SPAG17: variants seen among roughly 807,000 people sequenced by gnomAD.
The protein encoded by SPAG17 is sperm associated antigen 17.
Under a neutral mutation model 273.6 loss-of-function variants are expected in SPAG17, and 169 were observed. The observed-to-expected ratio is 0.62, with a 90% confidence interval of 0.55 to 0.70. The LOEUF is 0.70. Ranked by LOEUF, SPAG17 falls within the 30% of genes least tolerant of loss-of-function variation. The pLI, the probability that SPAG17 is intolerant of heterozygous loss-of-function variation, is 0.00. For missense variants in SPAG17, 2,557 were observed against 2,627.8 expected (o/e 0.97, Z 0.59); for synonymous variants, 825 against 873.2 (o/e 0.94, Z 0.97).
chr1:117,999,440 C>A (rs1339687928), intron 32 of SPAG17, among the ~76,000 whole-genome samples: 1 of 152,154 alleles, frequency 6.6e-6, no homozygotes, highest in Non-Finnish European at 1.5e-5. Flanking sequence ...GTTTACACTC[C>A]CACCAACTGT....
chr1:118,100,376 C>G (rs1655986790), intron 5 of SPAG17, among the ~76,000 whole-genome samples: 1 of 152,116 alleles, frequency 6.6e-6, no homozygotes, highest in Non-Finnish European at 1.5e-5. Context: ...TAACATTTTT[C>G]TCCTTTATTT....
At chr1:118,108,383 T>C (rs1656540155) in intron 4 of SPAG17, among the ~76,000 whole-genome samples, 1 of 152,168 alleles carries the variant, frequency 6.6e-6, no homozygotes, top group African/African-American at 2.4e-5. Context: ...CCCTTCTCAC[T>C]TATGGGTTTA....
chr1:118,092,973 T>A (rs1454702419), intron 8 of SPAG17, among the ~76,000 whole-genome samples, 183 bp downstream of exon 8: 1 of 152,224 alleles, frequency 6.6e-6, no homozygotes. Context: ...CTTGCCTTTG[T>A]AAATGTCTGG....
At chr1:118,053,222 A>C (rs1345513031) in intron 20 of SPAG17, among the ~76,000 whole-genome samples, 1 of 152,066 alleles carries the variant, frequency 6.6e-6, no homozygotes, top group Non-Finnish European at 1.5e-5. Flanking sequence ...TTAACAATAA[A>C]GTTGATGGTA....
chr1:118,183,197 AC>A (rs1459420159), intron 1 of SPAG17, among the ~76,000 whole-genome samples: 1 of 152,148 alleles, frequency 6.6e-6, no homozygotes, highest in Non-Finnish European at 1.5e-5. Flanking sequence ...ATAAACTAGC[AC>A]ACACACTCAA....
intron 43 of SPAG17, among the ~76,000 whole-genome samples, chr1:117,976,070 T>C (rs1463397353): frequency 2.6e-5 from 4 of 152,278 alleles, no homozygotes; most frequent in African/African-American, 9.6e-5. Context: ...GTGCCCAGTG[T>C]CACATAGCTA....
At chr1:118,143,555 C>T (rs532780094) in intron 3 of SPAG17, among the ~76,000 whole-genome samples, 1 of 147,156 alleles carries the variant, frequency 6.8e-6, no homozygotes, top group Non-Finnish European at 1.5e-5. Context: ...AAAAGCCAGC[C>T]AAAAAAAAAG....
At chr1:118,175,407 G>A (rs1660645661) in intron 1 of SPAG17, among the ~76,000 whole-genome samples, 1 of 151,858 alleles carries the variant, frequency 6.6e-6, no homozygotes, top group South Asian at 2.1e-4. Context: ...ACTACCCCAA[G>A]GCATAGAATA....
At chr1:118,101,644 A>C (rs1656069006) in intron 5 of SPAG17, 96 bp downstream of exon 5, 8 of 1,217,106 alleles carry the variant, frequency 6.6e-6, no homozygotes, top group Non-Finnish European at 9.3e-6. Context: ...TCAGGAAACT[A>C]TGCGCTCTAT....
chr1:118,178,476 C>A (rs1285401890), intron 1 of SPAG17, among the ~76,000 whole-genome samples: 1 of 151,962 alleles, frequency 6.6e-6, no homozygotes, highest in Non-Finnish European at 1.5e-5. Context: ...CAGCTAAAAT[C>A]ATACTGACCA....
At chr1:118,183,180 A>T (rs1558067754) in intron 1 of SPAG17, among the ~76,000 whole-genome samples, 1 of 152,134 alleles carries the variant, frequency 6.6e-6, no homozygotes, top group African/African-American at 2.4e-5. Context: ...CACACATAAT[A>T]CAACACATAA....
intron 3 of SPAG17, among the ~76,000 whole-genome samples, chr1:118,145,440 A>G (rs1421218949): frequency 6.6e-6 from 1 of 152,184 alleles, no homozygotes; most frequent in Non-Finnish European, 1.5e-5. Context: ...AAAAAATGGA[A>G]CTATTACATC....
At chr1:118,022,101 TGAGAAAA>T (rs1219073556) in intron 28 of SPAG17, among the ~76,000 whole-genome samples, 1 of 152,056 alleles carries the variant, frequency 6.6e-6, no homozygotes, top group Non-Finnish European at 1.5e-5. Flanking sequence ...TATGAGAAAT[TGAGAAAA>T]GTTTGTAAGG....
intron 7 of SPAG17, among the ~76,000 whole-genome samples, chr1:118,095,161 C>T (rs1035722238): frequency 6.6e-6 from 1 of 152,184 alleles, no homozygotes; most frequent in Non-Finnish European, 1.5e-5. Context: ...AATATAGCCA[C>T]TACCACTTTC....
Position 117,987,899 on chromosome 1 carries a change from A to G in SPAG17, c.5622-18T>C. 1.2e-6 allele frequency: 2 copies of G among 1,613,692 alleles called. No individual in the cohort carries two copies. Among genetic ancestry groups the G allele is most frequent in the South Asian group, 2.2e-5 (2 of 91,002 alleles). On this transcript the variant is annotated intron_variant, in intron 39 of 48. Transcript: ENST00000336338. ...CTGTGTGTCTATGTGAAAGGAAAGGAAAGTATGGTGAAAAGGGGCAATGAT... is the reference window on the plus strand; with the variant it reads ...CTGTGTGTCTATGTGAAAGGAAAGGGAAGTATGGTGAAAAGGGGCAATGAT...
At chr1:118,069,920 G>A (rs552007470) in intron 17 of SPAG17, among the ~76,000 whole-genome samples, 63 of 152,246 alleles carry the variant, frequency 4.1e-4, no homozygotes, top group African/African-American at 1.5e-3. Context: ...GGAAGATGAA[G>A]AAAGATAAGT....
At chr1:118,150,131 C>A (rs550136558) in intron 3 of SPAG17, among the ~76,000 whole-genome samples, 1 of 152,300 alleles carries the variant, frequency 6.6e-6, no homozygotes, top group East Asian at 1.9e-4. Context: ...ACAAGAAACA[C>A]TTTCTGGCGC....
chr1:117,972,194 C>G, intron 44 of SPAG17, 147 bp from the exon 45 acceptor site: 6 of 696,478 alleles, frequency 8.6e-6, no homozygotes, highest in Non-Finnish European at 1.2e-5. Context: ...TTACAACAGT[C>G]CTGTGAGGAC....
chr1:118,015,055 C>T (rs112366820), intron 29 of SPAG17, among the ~76,000 whole-genome samples: 8,047 of 152,080 alleles, frequency 0.053, 435 homozygotes, highest in East Asian at 0.3. Context: ...GAGGCTGAGG[C>T]GGGCCGATCA....
Sources: gnomAD v4.1 joint callset for allele counts (sites outside exome capture counted in the v4.1 genomes callset) on GRCh38, gnomAD v4.1.1 for gene constraint, MANE v1.5 for transcripts, NCBI Gene and HGNC (gene_info 2026-07-23, HGNC 2026-07-21) for gene names.